Variants in RAP1A observed in about 807,000 individuals in gnomAD.
RAP1A encodes ras-related protein Rap-1A.
Under a neutral mutation model 26.4 loss-of-function variants are expected in RAP1A, and 6 were observed. The observed-to-expected ratio is 0.23, with a 90% CI of 0.12 to 0.45. The LOEUF is 0.45. Among genes scored for constraint, RAP1A ranks in the 20% least tolerant of loss-of-function variants. The pLI is 0.99. For missense variants in RAP1A, 121 were observed against 217.2 expected (o/e 0.56, Z 2.78); for synonymous variants, 73 against 79.4 (o/e 0.92, Z 0.43).
At chr1:111,686,963 G>A (rs11802398) in intron 1 of RAP1A, among the ~76,000 whole-genome samples, 8,969 of 151,606 alleles carry the variant, frequency 0.059, 613 homozygotes, top group African/African-American at 0.16. Flanking sequence ...TGACTTTGTT[G>A]CCAATAGATG....
intron 1 of RAP1A, among the ~76,000 whole-genome samples, chr1:111,591,805 T>G (rs1412184642): frequency 6.6e-6 from 1 of 152,246 alleles, no homozygotes; most frequent in African/African-American, 2.4e-5. Context: ...TTGTTTTCAG[T>G]AAAATGGTTT....
At chr1:111,674,480 A>G (rs1661066023) in intron 1 of RAP1A, among the ~76,000 whole-genome samples, 1 of 152,064 alleles carries the variant, frequency 6.6e-6, no homozygotes, top group Admixed American at 6.6e-5. Context: ...CAATGCTACC[A>G]TCTTGACCAC....
upstream of RAP1A, among the ~76,000 whole-genome samples, chr1:111,617,496 G>A (rs528880439): frequency 2.0e-5 from 3 of 152,194 alleles, no homozygotes; most frequent in East Asian, 1.9e-4. Context: ...GCAGTGGCGC[G>A]ATCTCGGCTC....
At position 111,695,388 on chromosome 1, in the gene RAP1A, G is replaced by A. The variant is rs759447487; in HGVS notation, c.105G>A (p.Thr35=). 4.5e-6 allele frequency: 7 copies of A among 1,567,710 alleles called. No homozygotes were observed. The highest frequency in any genetic ancestry group is 4.8e-5 in the East Asian group (2 of 41,768). Reference sequence around the variant, plus strand: ...TTTTTGTTGAAAAATATGACCCAACGATAGAAGATTCCTACAGAAAGGTAA... The same window carrying A: ...TTTTTGTTGAAAAATATGACCCAACAATAGAAGATTCCTACAGAAAGGTAA... ...QGIFVEKYDP[T]IEDSYRKQVE... Residue 35 remains threonine (T), a synonymous_variant, in exon 3 of 8, where the codon ACG becomes ACA. Transcript: ENST00000369709.
At chr1:111,610,562 AC>A (rs1291019518) in intron 1 of RAP1A, among the ~76,000 whole-genome samples, 2 of 151,558 alleles carry the variant, frequency 1.3e-5, no homozygotes, top group African/African-American at 4.9e-5. Context: ...ACACACACAC[AC>A]ACACACACAC....
At chr1:111,603,739 T>C (rs763143483) in intron 1 of RAP1A, among the ~76,000 whole-genome samples, 1 of 152,212 alleles carries the variant, frequency 6.6e-6, no homozygotes, top group Non-Finnish European at 1.5e-5. Context: ...TCTTTTAGAT[T>C]ATTTTTCATA....
At chr1:111,574,851 G>A (rs1178014148) in intron 1 of RAP1A, among the ~76,000 whole-genome samples, 1 of 152,188 alleles carries the variant, frequency 6.6e-6, no homozygotes, top group Non-Finnish European at 1.5e-5. Flanking sequence ...CTGCTATACT[G>A]TTTTTTTGAA....
At chr1:111,557,291 G>A (rs187967257) in intron 1 of RAP1A, among the ~76,000 whole-genome samples, 26 of 152,322 alleles carry the variant, frequency 1.7e-4, no homozygotes, top group South Asian at 4.1e-4. Context: ...GCTCACGCCT[G>A]TAATCCTAGC....
At chr1:111,546,330 C>T (rs146990943) in intron 1 of RAP1A, among the ~76,000 whole-genome samples, 1 of 152,194 alleles carries the variant, frequency 6.6e-6, no homozygotes, top group African/African-American at 2.4e-5. Flanking sequence ...AGTACATTTA[C>T]ATTGTTGTGC....
chr1:111,635,173 G>T (rs183569340), intron 1 of RAP1A, among the ~76,000 whole-genome samples: 1 of 152,184 alleles, frequency 6.6e-6, no homozygotes, highest in African/African-American at 2.4e-5. Flanking sequence ...TGGGCATGGG[G>T]ATGGGAGAAA....
At chr1:111,673,245 A>G (rs555593888) in intron 1 of RAP1A, among the ~76,000 whole-genome samples, 3 of 152,310 alleles carry the variant, frequency 2.0e-5, no homozygotes, top group East Asian at 3.9e-4. Flanking sequence ...CCAGTTTTAA[A>G]TATTTATGAT....
intron 1 of RAP1A, among the ~76,000 whole-genome samples, chr1:111,655,934 C>T (rs1299647150): frequency 1.3e-5 from 2 of 151,924 alleles, no homozygotes; most frequent in Non-Finnish European, 2.9e-5. Flanking sequence ...TTGTGATCCG[C>T]CCACCTCGGC....
At chr1:111,659,655 T>C (rs1660572468) in intron 1 of RAP1A, among the ~76,000 whole-genome samples, 1 of 152,156 alleles carries the variant, frequency 6.6e-6, no homozygotes, top group South Asian at 2.1e-4. Context: ...ACCATATTTG[T>C]TACTGTTTTC....
intron 1 of RAP1A, among the ~76,000 whole-genome samples, chr1:111,656,116 T>C (rs531888590): frequency 6.6e-6 from 1 of 152,168 alleles, no homozygotes; most frequent in Admixed American, 6.5e-5. Context: ...AGAAAACACT[T>C]TGACATGCCC....
intron 1 of RAP1A, among the ~76,000 whole-genome samples, chr1:111,574,877 T>C (rs1308890208): frequency 6.6e-6 from 1 of 152,232 alleles, no homozygotes; most frequent in East Asian, 1.9e-4. Context: ...CAAGAAATAA[T>C]TATGTGATCT....
chr1:111,695,296 A>T, intron 2 of RAP1A, 45 bp from the exon 3 acceptor site: 1 of 1,397,890 alleles, frequency 7.2e-7, no homozygotes, highest in East Asian at 2.5e-5. Flanking sequence ...CATTCAAAGG[A>T]GTTTTCCTTT....
upstream of RAP1A, among the ~76,000 whole-genome samples, chr1:111,618,756 G>A (rs1659068068): frequency 1.3e-5 from 2 of 152,166 alleles, no homozygotes; most frequent in African/African-American, 4.8e-5. Flanking sequence ...ATCAACTCTT[G>A]ATTTCTTTTT....
At chr1:111,601,719 G>A (rs1382539724) in intron 1 of RAP1A, among the ~76,000 whole-genome samples, 1 of 152,166 alleles carries the variant, frequency 6.6e-6, no homozygotes, top group Non-Finnish European at 1.5e-5. Flanking sequence ...TCTCTCCTGT[G>A]TAACCTTGGA....
chr1:111,601,769 A>G (rs1204175016), intron 1 of RAP1A, among the ~76,000 whole-genome samples: 8 of 152,348 alleles, frequency 5.3e-5, no homozygotes, highest in Middle Eastern at 3.4e-3. Context: ...TTTGTAAAAA[A>G]GAGAAAATAA....
Sources: allele counts gnomAD v4.1 joint callset (sites outside exome capture counted in the v4.1 genomes callset), GRCh38; gene constraint gnomAD v4.1.1; transcripts MANE v1.5; gene names NCBI Gene and HGNC (gene_info 2026-07-23, HGNC 2026-07-21).